USP47: variants seen among roughly 807,000 people sequenced by gnomAD.
USP47 encodes the protein ubiquitin specific peptidase 47, also known as ubiquitin carboxyl-terminal hydrolase 47.
Under a neutral mutation model 165.1 loss-of-function variants are expected in USP47, and 35 were observed. The ratio of observed to expected loss-of-function variants is 0.21; its 90% CI spans 0.16 to 0.28. The LOEUF is 0.28. Ranked by LOEUF, USP47 falls within the 10% of genes least tolerant of loss-of-function variation. The pLI is 1.00. For synonymous variants in USP47, 531 were observed against 544.5 expected, an observed-to-expected ratio of 0.98 and a Z score of 0.35; for missense variants, 1,277 against 1,607.4, an observed-to-expected ratio of 0.79 and a Z score of 3.52.
rs1847465263 is a variant in USP47 at position 11,961,831 on chromosome 11, G to A, written c.*5656G>A. Among the ~76,000 whole-genome samples, 1 of 152,240 alleles carries A rather than the reference G, an allele frequency of 6.6e-6. No individual in the cohort carries two copies. Among genetic ancestry groups the A allele is most frequent in the Admixed American group, 6.5e-5 (1 of 15,294 alleles). ...TCTGCCATGGCTTGGCAGGAACTCT[G>A]GCTTTGGGAGAGAGCAGCAGCAAGG... On this transcript the variant is annotated 3_prime_UTR_variant, in exon 28 of 28. Transcript: ENST00000527733.
intron 5 of USP47, among the ~76,000 whole-genome samples, chr11:11,902,160 TA>T (rs1852272997): frequency 6.6e-6 from 1 of 152,214 alleles, no homozygotes; most frequent in Non-Finnish European, 1.5e-5. Flanking sequence ...TTGCGTCATT[TA>T]ACAATTTGTT....
intron 1 of USP47, among the ~76,000 whole-genome samples, chr11:11,875,077 G>T (rs11022072): frequency 0.063 from 4,690 of 74,964 alleles, 106 homozygotes; most frequent in African/African-American, 0.1. Context: ...GTGTGTGTGT[G>T]TGTGTTTAAA....
intron 1 of USP47, among the ~76,000 whole-genome samples, chr11:11,852,134 C>A (rs1249617349): frequency 6.6e-6 from 1 of 152,098 alleles, no homozygotes; most frequent in East Asian, 1.9e-4. Context: ...ATGCAGATAA[C>A]CTATTTCCCC....
At chr11:11,941,444 A>G (rs186775477) in intron 19 of USP47, among the ~76,000 whole-genome samples, 8 of 152,156 alleles carry the variant, frequency 5.3e-5, no homozygotes, top group Non-Finnish European at 8.8e-5. Flanking sequence ...CCAACATGCT[A>G]TTTATAATTG....
chr11:11,872,974 T>C (rs1850165274), intron 1 of USP47, among the ~76,000 whole-genome samples: 1 of 152,160 alleles, frequency 6.6e-6, no homozygotes, highest in Non-Finnish European at 1.5e-5. Context: ...GGACAAGAAG[T>C]AGATTTCAAA....
chr11:11,946,896 A>G (rs1415461629), intron 20 of USP47, among the ~76,000 whole-genome samples: 1 of 152,236 alleles, frequency 6.6e-6, no homozygotes, highest in African/African-American at 2.4e-5. Flanking sequence ...AACAATGAAC[A>G]TTAATTTATT....
intron 20 of USP47, among the ~76,000 whole-genome samples, chr11:11,946,101 C>T (rs551690402): frequency 4.0e-4 from 61 of 152,250 alleles, no homozygotes; most frequent in African/African-American, 1.4e-3. Context: ...ATAGTAATCT[C>T]TAAAACTACA....
At chr11:11,854,952 G>T (rs187052674) in intron 1 of USP47, among the ~76,000 whole-genome samples, 1 of 149,540 alleles carries the variant, frequency 6.7e-6, no homozygotes, top group Non-Finnish European at 1.5e-5. Context: ...AAAATTAGCC[G>T]GGTGCAGTGG....
Position 11,920,417 on chromosome 11 carries a change from C to T in USP47, c.1141C>T (p.His381Tyr), listed in dbSNP as rs138329346. The T allele has an allele frequency of 3.8e-4, 612 of 1,611,418 alleles. 7 individuals are homozygous for T. In the East Asian group the frequency reaches 0.014, roughly 36 times the overall value. ...KRFDFDYTTM[H>Y]RIKLNDRMTF... ...ATTCGATTTTGATTATACAACCATG[C>T]ATAGGATTAAACTGAATGATCGAAT... The change falls in exon 10 of 28, where the codon CAT (histidine) becomes TAT (tyrosine). Residue 381 changes from histidine to tyrosine, a missense_variant. By Grantham distance (83) the His-to-Tyr change is moderately conservative. This residue lies in a region of USP47 where 175 missense variants were observed against 295.8 expected (regional missense o/e 0.59). Coordinates refer to ENST00000527733, the MANE Select transcript of USP47 (RefSeq NM_001282659.2).
rs1357459995 is a variant in USP47, at chr11:11,956,040, A to G, written c.3933A>G (p.Gln1311=). 6.3e-7 allele frequency: 1 copy of G among 1,591,702 alleles called. No homozygotes were observed. Among genetic ancestry groups the G allele is most frequent in the Non-Finnish European group, 8.5e-7 (1 of 1,173,158 alleles). Reference sequence around the variant, plus strand: ...AATTAATGGAATTGACAGATGAGCAAAGAAATGAACTGATGAAAAAAGAAA... The same window carrying G: ...AATTAATGGAATTGACAGATGAGCAGAGAAATGAACTGATGAAAAAAGAAA... ...TEELMELTDE[Q]RNELMKKESS... The change falls in exon 28 of 28, where the codon CAA becomes CAG. Residue 1311 remains glutamine, a synonymous_variant. Coordinates refer to ENST00000527733, the MANE Select transcript of USP47 (RefSeq NM_001282659.2).
chr11:11,943,353 G>C (rs575146855), intron 20 of USP47: 18 of 304,112 alleles, frequency 5.9e-5, no homozygotes, highest in Non-Finnish European at 8.4e-5. Flanking sequence ...TGTTAGGAAG[G>C]AATTATGATA....
intron 1 of USP47, among the ~76,000 whole-genome samples, chr11:11,849,654 A>G (rs1848619628): frequency 6.6e-6 from 1 of 152,240 alleles, no homozygotes; most frequent in Non-Finnish European, 1.5e-5. Context: ...TGTTAAAGCT[A>G]GAACTTTTGT....
intron 1 of USP47, among the ~76,000 whole-genome samples, chr11:11,878,063 C>T (rs1318214762): frequency 1.3e-5 from 2 of 151,700 alleles, no homozygotes; most frequent in Admixed American, 1.3e-4. Context: ...TTGTTTTTTT[C>T]TGTATAACAT....
rs1852348173 is a variant in USP47, at chr11:11,903,355, T to C, written c.819+13T>C. 1.2e-6 allele frequency: 2 copies of C among 1,606,978 alleles called. No homozygotes were observed. Among genetic ancestry groups the C allele is most frequent in the Admixed American group, 1.7e-5 (1 of 59,650 alleles). The stretch of plus-strand genomic sequence containing the variant: ...GCAAACAGAACAGGTAATTTATATC[T>C]CTCAAATCAAGGGGACTGTTTCCTA... On this transcript the variant is annotated intron_variant, in intron 7 of 27. Coordinates refer to ENST00000527733, the MANE Select transcript of USP47 (RefSeq NM_001282659.2).
At chr11:11,948,740 C>T (rs1264797184) in intron 22 of USP47, 182 bp downstream of exon 22, 2 of 546,278 alleles carry the variant, frequency 3.7e-6, no homozygotes, top group Non-Finnish European at 6.6e-6. Context: ...TATTATAGCA[C>T]AAGGAGCCAT....
At chr11:11,845,554 C>G (rs185817541) in intron 1 of USP47, among the ~76,000 whole-genome samples, 2 of 151,336 alleles carry the variant, frequency 1.3e-5, no homozygotes, top group East Asian at 3.9e-4. Context: ...TTGTGAATTC[C>G]TTGACAGCAA....
chr11:11,949,818 A>G (rs1268586448), intron 22 of USP47, 71 bp from the exon 23 acceptor site: 8 of 1,020,548 alleles, frequency 7.8e-6, no homozygotes, highest in Non-Finnish European at 1.1e-5. Context: ...GGTAATTTTT[A>G]TTTTAATGTG....
intron 27 of USP47, 90 bp downstream of exon 27, chr11:11,955,254 A>G (rs1856489595): frequency 2.3e-5 from 35 of 1,504,134 alleles, no homozygotes; most frequent in Non-Finnish European, 2.8e-5. Flanking sequence ...TACTGTTTTT[A>G]TGATATGGAG....
intron 18 of USP47, among the ~76,000 whole-genome samples, chr11:11,938,883 G>A (rs776406838): frequency 1.3e-5 from 2 of 151,864 alleles, no homozygotes; most frequent in Non-Finnish European, 2.9e-5. Flanking sequence ...GATAGAATCT[G>A]TAGGACTTGT....
Sources: allele counts gnomAD v4.1 joint callset (sites outside exome capture counted in the v4.1 genomes callset), GRCh38; gene constraint gnomAD v4.1.1; regional missense constraint gnomAD v4.1.1; transcripts MANE v1.5; gene names NCBI Gene and HGNC (gene_info 2026-07-23, HGNC 2026-07-21).